PHF24: variants seen among roughly 807,000 people sequenced by gnomAD.
PHF24 encodes the protein Galpha inhibitory interacting protein.
In PHF24, 25 loss-of-function variants were observed where a neutral mutation model predicts 42.6. The ratio of observed to expected loss-of-function variants is 0.59; its 90% CI spans 0.43 to 0.82. The LOEUF is 0.82. Among genes scored for constraint, PHF24 ranks in the 40% least tolerant of loss-of-function variants. The pLI is 0.00. For missense variants in PHF24, 470 were observed against 538.1 expected, an observed-to-expected ratio of 0.87 and a Z score of 1.25; for synonymous variants, 185 against 204.8, an observed-to-expected ratio of 0.90 and a Z score of 0.83.
chr9:34,690,587 C>G, the PHF24 span, among the ~76,000 whole-genome samples: 1 of 152,036 alleles, frequency 6.6e-6, no homozygotes, highest in African/African-American at 2.4e-5. Flanking sequence ...TAAATAACCA[C>G]TGCCCTGAGC....
At chr9:34,972,030 G>A (rs545966797) in intron 2 of PHF24, among the ~76,000 whole-genome samples, 1 of 152,166 alleles carries the variant, frequency 6.6e-6, no homozygotes, top group African/African-American at 2.4e-5. Flanking sequence ...GTGGCTACTG[G>A]TGTTTGGTAC....
At chr9:34,884,889 T>G in the PHF24 span, among the ~76,000 whole-genome samples, 1 of 152,230 alleles carries the variant, frequency 6.6e-6, no homozygotes, top group Non-Finnish European at 1.5e-5. Flanking sequence ...CGAGCAATCA[T>G]GGTGGCCAGT....
the PHF24 span, among the ~76,000 whole-genome samples, chr9:34,942,921 G>A: frequency 6.6e-6 from 1 of 152,000 alleles, no homozygotes; most frequent in East Asian, 1.9e-4. Context: ...AATGGGTGCA[G>A]CAAACCAACA....
chr9:34,749,604 CT>C, the PHF24 span, among the ~76,000 whole-genome samples: 70 of 143,774 alleles, frequency 4.9e-4, no homozygotes, highest in African/African-American at 1.2e-3. Flanking sequence ...GTTATTCATT[CT>C]TTTTTTTTTT....
At chr9:34,927,997 T>G in the PHF24 span, among the ~76,000 whole-genome samples, 2 of 151,946 alleles carry the variant, frequency 1.3e-5, no homozygotes, top group Admixed American at 1.3e-4. Flanking sequence ...ATAGCTAGAA[T>G]TAATAAGATC....
At chr9:34,931,885 G>A in the PHF24 span, among the ~76,000 whole-genome samples, 2 of 152,206 alleles carry the variant, frequency 1.3e-5, no homozygotes, top group South Asian at 2.1e-4. Flanking sequence ...GGAAAAGAGG[G>A]CAAGAGGCTA....
At chr9:34,913,624 C>G in the PHF24 span, among the ~76,000 whole-genome samples, 1 of 152,152 alleles carries the variant, frequency 6.6e-6, no homozygotes, top group African/African-American at 2.4e-5. Flanking sequence ...TTTCTATGGC[C>G]TAAAGCAGGG....
the PHF24 span, among the ~76,000 whole-genome samples, chr9:34,903,257 G>A: frequency 6.6e-6 from 1 of 152,152 alleles, no homozygotes; most frequent in African/African-American, 2.4e-5. Context: ...TGAAATTGCA[G>A]ACTATTCACA....
the PHF24 span, among the ~76,000 whole-genome samples, chr9:34,781,761 T>C: frequency 6.6e-6 from 1 of 151,498 alleles, no homozygotes; most frequent in Non-Finnish European, 1.5e-5. Context: ...TTGGGAAATG[T>C]GTTAGTTCAA....
the PHF24 span, chr9:34,710,173 G>C: frequency 1.2e-6 from 1 of 842,444 alleles, no homozygotes; most frequent in East Asian, 2.7e-5. Flanking sequence ...TATGTAGCTA[G>C]ACACTTTCAC....
chr9:34,977,689 C>T (rs979396281), intron 7 of PHF24, 48 bp downstream of exon 7: 1 of 1,442,104 alleles, frequency 6.9e-7, no homozygotes, highest in Non-Finnish European at 9.6e-7. Context: ...TGAACCCCCA[C>T]AAAACACACA....
chr9:34,814,499 T>C, the PHF24 span, among the ~76,000 whole-genome samples: 3 of 152,224 alleles, frequency 2.0e-5, no homozygotes, highest in Non-Finnish European at 4.4e-5. Flanking sequence ...GTTCAGTGTT[T>C]CTCTACTGTA....
At chr9:34,678,510 T>C in the PHF24 span, among the ~76,000 whole-genome samples, 1 of 152,048 alleles carries the variant, frequency 6.6e-6, no homozygotes, top group Non-Finnish European at 1.5e-5. Context: ...AATTTTTGTA[T>C]ATTTAGTAGA....
chr9:34,852,203 A>G, the PHF24 span, among the ~76,000 whole-genome samples: 4,483 of 152,288 alleles, frequency 0.029, 119 homozygotes, highest in African/African-American at 0.06. Context: ...ACTTTATTGT[A>G]AGAATACAAG....
At chr9:34,857,194 C>CA in the PHF24 span, among the ~76,000 whole-genome samples, 1 of 152,182 alleles carries the variant, frequency 6.6e-6, no homozygotes, top group Non-Finnish European at 1.5e-5. Flanking sequence ...CTGCCACTGG[C>CA]CAGCTGGAAT....
chr9:34,835,218 A>G, the PHF24 span: 9 of 1,552,024 alleles, frequency 5.8e-6, no homozygotes, highest in Admixed American at 1.2e-4. Context: ...GCCACACATG[A>G]ACACCAGGTC....
chr9:34,774,079 C>A, the PHF24 span, among the ~76,000 whole-genome samples: 1 of 152,084 alleles, frequency 6.6e-6, no homozygotes, highest in South Asian at 2.1e-4. Context: ...TTAGCTTATA[C>A]CATACACAGA....
chr9:34,917,893 C>T, the PHF24 span: 1 of 1,587,578 alleles, frequency 6.3e-7, no homozygotes, highest in South Asian at 1.1e-5. Context: ...ACCTTTGATC[C>T]TAAGCCCATT....
chr9:34,738,912 T>C, the PHF24 span, among the ~76,000 whole-genome samples: 2 of 152,194 alleles, frequency 1.3e-5, no homozygotes, highest in African/African-American at 4.8e-5. Context: ...CTGAGGATGA[T>C]GGAGAAGAAC....
Sources: allele counts gnomAD v4.1 joint callset (sites outside exome capture counted in the v4.1 genomes callset), GRCh38; gene constraint gnomAD v4.1.1; transcripts MANE v1.5; gene names NCBI Gene and HGNC (gene_info 2026-07-23, HGNC 2026-07-21).